The following CTNNA2 variants were observed in gnomAD, a reference collection of about 807,000 sequenced individuals.
CTNNA2 encodes catenin alpha-2.
A neutral mutation model predicts 101.0 loss-of-function variants in CTNNA2; 42 were observed. The ratio of observed to expected loss-of-function variants is 0.42; its 90% CI spans 0.32 to 0.54. The LOEUF is 0.54. CTNNA2 is among the 20% of genes least tolerant of loss of function. The pLI is 0.14. For synonymous variants in CTNNA2, 450 were observed against 456.4 expected (o/e 0.99, Z 0.18); for missense variants, 871 against 1,223.1 (o/e 0.71, Z 4.29).
chr2:79,966,605 C>T (rs1690081574), intron 7 of CTNNA2, among the ~76,000 whole-genome samples: 1 of 151,908 alleles, frequency 6.6e-6, no homozygotes, highest in Non-Finnish European at 1.5e-5. Flanking sequence ...TACCTGTGAT[C>T]ATAACAGGAA....
chr2:80,118,220 T>C (rs191875237), intron 7 of CTNNA2, among the ~76,000 whole-genome samples: 47 of 152,364 alleles, frequency 3.1e-4, no homozygotes, highest in African/African-American at 1.1e-3. Flanking sequence ...ACATTTTTTG[T>C]AAAACATCTA....
intron 9 of CTNNA2, among the ~76,000 whole-genome samples, chr2:80,532,333 C>A (rs994791718): frequency 9.2e-5 from 14 of 152,152 alleles, no homozygotes; most frequent in Admixed American, 6.6e-4. Context: ...TGAAATCTTG[C>A]ACCCTCTAGC....
intron 7 of CTNNA2, among the ~76,000 whole-genome samples, chr2:80,194,607 C>A (rs561064494): frequency 6.6e-6 from 1 of 150,540 alleles, no homozygotes. Context: ...AAAACCAGAC[C>A]CAGGCAAATA....
chr2:80,608,440 T>A lies in CTNNA2; in HGVS notation c.2430+122T>A, dbSNP rs184127070. The A allele has an allele frequency of 2.1e-3, 2,033 of 976,738 alleles. 4 individuals are homozygous for A. The highest frequency in any genetic ancestry group is 2.1e-3 in the Non-Finnish European group (1,425 of 688,564). 60.5% of individuals were successfully genotyped at this position (976,738 alleles called of 1,614,324 possible). On this transcript the variant is annotated intron_variant, in intron 17 of 18. Transcript: ENST00000402739. Reference sequence around the variant, plus strand: ...AGTGATTTATAGGGAGGGCTTTTTTTAAATAAATGTTATCACCATTATTCC... The same window carrying A: ...AGTGATTTATAGGGAGGGCTTTTTTAAAATAAATGTTATCACCATTATTCC...
At chr2:79,730,600 A>T (rs1260066169) in intron 2 of CTNNA2, among the ~76,000 whole-genome samples, 1 of 152,032 alleles carries the variant, frequency 6.6e-6, no homozygotes, top group Non-Finnish European at 1.5e-5. Context: ...TTTAGTATTA[A>T]TTCCAGCTAT....
intron 7 of CTNNA2, among the ~76,000 whole-genome samples, chr2:80,060,640 C>G (rs1190121420): frequency 6.6e-6 from 1 of 151,986 alleles, no homozygotes; most frequent in Non-Finnish European, 1.5e-5. Flanking sequence ...TTTTTATGTG[C>G]CTGGACCTTG....
chr2:79,934,634 G>C (rs1377268741), intron 7 of CTNNA2, among the ~76,000 whole-genome samples: 1 of 152,192 alleles, frequency 6.6e-6, no homozygotes, highest in Non-Finnish European at 1.5e-5. Flanking sequence ...TGGCTTAAGG[G>C]ACTGGTTGCC....
At chr2:79,948,165 C>A (rs2974135) in intron 7 of CTNNA2, among the ~76,000 whole-genome samples, 1 of 152,020 alleles carries the variant, frequency 6.6e-6, no homozygotes, top group Non-Finnish European at 1.5e-5. Context: ...GTTTCTTCAA[C>A]AAGAGAGTGA....
chr2:80,149,774 T>TCACACA (rs10595115), intron 7 of CTNNA2, among the ~76,000 whole-genome samples: 2,533 of 143,318 alleles, frequency 0.018, 52 homozygotes, highest in African/African-American at 0.045. Flanking sequence ...TTAGAATGGA[T>TCACACA]CACACACACA....
chr2:79,797,491 T>G (rs1675809723), intron 3 of CTNNA2, among the ~76,000 whole-genome samples: 1 of 151,848 alleles, frequency 6.6e-6, no homozygotes, highest in Non-Finnish European at 1.5e-5. Flanking sequence ...AAACCTCATC[T>G]CTACTAAAAA....
At chr2:80,396,728 A>G (rs1401359529) in intron 8 of CTNNA2, among the ~76,000 whole-genome samples, 1 of 152,180 alleles carries the variant, frequency 6.6e-6, no homozygotes, top group African/African-American at 2.4e-5. Context: ...GCACCCAAAC[A>G]TTTCTCTCTG....
chr2:79,432,825 T>G (rs986350740), intron 4 of CTNNA2, among the ~76,000 whole-genome samples: 1 of 152,256 alleles, frequency 6.6e-6, no homozygotes, highest in Non-Finnish European at 1.5e-5. Flanking sequence ...TTTTTTGTAC[T>G]TTCATCTACT....
chr2:80,527,731 C>G (rs961598478), intron 9 of CTNNA2, among the ~76,000 whole-genome samples: 1 of 152,132 alleles, frequency 6.6e-6, no homozygotes, highest in Non-Finnish European at 1.5e-5. Flanking sequence ...GAAAGCAAAG[C>G]TGATGGACCC....
At chr2:80,201,656 T>A (rs1314907407) in intron 7 of CTNNA2, among the ~76,000 whole-genome samples, 1 of 152,170 alleles carries the variant, frequency 6.6e-6, no homozygotes, top group Non-Finnish European at 1.5e-5. Context: ...ATTACAGGCG[T>A]GAGCCACCGT....
chr2:79,533,122 T>C (rs906308560), intron 1 of CTNNA2, among the ~76,000 whole-genome samples: 1 of 151,878 alleles, frequency 6.6e-6, no homozygotes, highest in African/African-American at 2.4e-5. Context: ...TTGTATCTGA[T>C]CCCTTAAAAT....
At chr2:79,954,060 GA>G (rs1379014204) in intron 7 of CTNNA2, among the ~76,000 whole-genome samples, 2 of 152,140 alleles carry the variant, frequency 1.3e-5, no homozygotes, top group Non-Finnish European at 2.9e-5. Flanking sequence ...GAGGCCTCAG[GA>G]AACTTACAAT....
At chr2:79,724,642 T>C (rs909980463) in intron 2 of CTNNA2, among the ~76,000 whole-genome samples, 26 of 151,788 alleles carry the variant, frequency 1.7e-4, no homozygotes, top group Admixed American at 9.9e-4. Context: ...GGTGAAACCC[T>C]GTCTCTACTA....
intron 7 of CTNNA2, among the ~76,000 whole-genome samples, chr2:80,226,263 G>A (rs1035783814): frequency 3.9e-5 from 6 of 152,142 alleles, no homozygotes; most frequent in Non-Finnish European, 7.3e-5. Context: ...TCAATTAGAC[G>A]AATACTTAAC....
In CTNNA2 at chr2:80,304,660, C is replaced by T. The variant is rs1310576988; in HGVS notation, c.1057-88551C>T. 23 of 153,328 alleles carry T rather than the reference C, an allele frequency of 1.5e-4. No individual in the cohort carries two copies. The East Asian group carries it at 4.1e-3, about 27-fold the overall frequency. 9.5% of individuals were successfully genotyped at this position (153,328 alleles called of 1,614,324 possible). On this transcript the variant is annotated intron_variant, in intron 7 of 18. Coordinates refer to ENST00000402739, the MANE Select transcript of CTNNA2 (RefSeq NM_001282597.3). Reference sequence around the variant, plus strand: ...GGCGGTGGGGAGGTGCGGACGGCGGCGCGGGGAGCGGCGAGCGGCGCCCGG... The same window carrying T: ...GGCGGTGGGGAGGTGCGGACGGCGGTGCGGGGAGCGGCGAGCGGCGCCCGG...
Sources: gnomAD v4.1 joint callset for allele counts (sites outside exome capture counted in the v4.1 genomes callset) on GRCh38, gnomAD v4.1.1 for gene constraint, MANE v1.5 for transcripts, NCBI Gene and HGNC (gene_info 2026-07-23, HGNC 2026-07-21) for gene names.